The following CA10 variants were observed in gnomAD, a reference collection of about 807,000 sequenced individuals.
CA10 encodes carbonic anhydrase 10 (inactive).
A neutral mutation model predicts 44.2 loss-of-function variants in CA10; 14 were observed. The observed-to-expected ratio is 0.32, with a 90% CI of 0.21 to 0.50. CA10 has a LOEUF of 0.50. Among genes scored for constraint, CA10 ranks in the 20% least tolerant of loss-of-function variants. CA10 has a pLI of 0.99. For synonymous variants in CA10, 159 were observed against 141.6 expected (o/e 1.12, Z -0.87); for missense variants, 350 against 409.7 (o/e 0.85, Z 1.26).
chr17:51,736,474 G>C (rs1307642837), intron 4 of CA10, among the ~76,000 whole-genome samples: 1 of 152,214 alleles, frequency 6.6e-6, no homozygotes, highest in Non-Finnish European at 1.5e-5. Flanking sequence ...AGGATGCTAA[G>C]TCCTGATGCA....
At chr17:51,660,471 C>T (rs758161334) in intron 4 of CA10, among the ~76,000 whole-genome samples, 55 of 152,344 alleles carry the variant, frequency 3.6e-4, no homozygotes, top group Non-Finnish European at 6.0e-4. Context: ...ACAAGCCACA[C>T]TTGTCATAGG....
chr17:52,081,804 A>C (rs1023655870), intron 1 of CA10, among the ~76,000 whole-genome samples: 5 of 151,060 alleles, frequency 3.3e-5, no homozygotes, highest in African/African-American at 1.2e-4. Context: ...CGTCTCAAAA[A>C]AAAAAAAAAA....
intron 2 of CA10, among the ~76,000 whole-genome samples, chr17:52,053,446 A>G (rs1987134746): frequency 6.6e-6 from 1 of 152,124 alleles, no homozygotes; most frequent in Non-Finnish European, 1.5e-5. Flanking sequence ...CAATCAGTAT[A>G]CTTGCAAGAA....
chr17:51,947,367 A>G (rs1293147419), intron 2 of CA10, among the ~76,000 whole-genome samples: 4 of 152,104 alleles, frequency 2.6e-5, no homozygotes, highest in African/African-American at 9.7e-5. Flanking sequence ...AAAGGTTCAC[A>G]TACCTGAGGT....
At chr17:51,903,041 T>C (rs907276867) in intron 3 of CA10, among the ~76,000 whole-genome samples, 1 of 152,186 alleles carries the variant, frequency 6.6e-6, no homozygotes, top group Non-Finnish European at 1.5e-5. Flanking sequence ...ATTCCGGGGA[T>C]GCACAGTTAA....
In CA10 at chr17:51,938,259, C is replaced by T. The variant is rs1982941494; in HGVS notation, c.137-7127G>A. The stretch of plus-strand genomic sequence containing the variant: ...TTGGCTCTATAATAAGGATTTAAAA[C>T]ATTGGAGAAGGGGTTGAGTGAGGAG... On this transcript the variant is annotated intron_variant, in intron 2 of 8. Coordinates refer to ENST00000451037, the MANE Select transcript of CA10 (RefSeq NM_020178.5). 2.6e-5 allele frequency among the ~76,000 whole-genome samples: 4 copies of T among 152,024 alleles called. No homozygotes were observed. In the South Asian group the frequency reaches 8.3e-4, roughly 31 times the overall value.
chr17:51,825,058 T>A (rs145960952), intron 3 of CA10, among the ~76,000 whole-genome samples: 36 of 152,352 alleles, frequency 2.4e-4, no homozygotes, highest in Non-Finnish European at 4.4e-4. Context: ...ATGAAAGAGC[T>A]GAATCTAGCA....
chr17:51,716,044 C>T (rs1439988090), intron 4 of CA10, among the ~76,000 whole-genome samples: 2 of 152,210 alleles, frequency 1.3e-5, no homozygotes, highest in East Asian at 3.9e-4. Flanking sequence ...CACCTCCCCT[C>T]CAGCCCCCTA....
intron 3 of CA10, among the ~76,000 whole-genome samples, chr17:51,790,251 G>A (rs895128548): frequency 9.9e-5 from 15 of 152,128 alleles, no homozygotes; most frequent in Non-Finnish European, 1.5e-5. Flanking sequence ...GTTCAGCTGG[G>A]CCCATGATAA....
chr17:52,011,160 A>G (rs1407225719), intron 2 of CA10, among the ~76,000 whole-genome samples: 1 of 151,986 alleles, frequency 6.6e-6, no homozygotes, highest in African/African-American at 2.4e-5. Context: ...ATGTATGTAC[A>G]TATGCTCCTA....
intron 2 of CA10, among the ~76,000 whole-genome samples, chr17:52,027,908 C>T (rs1167137927): frequency 6.6e-6 from 1 of 152,136 alleles, no homozygotes; most frequent in Non-Finnish European, 1.5e-5. Flanking sequence ...AATCTCCCTT[C>T]CCTTGAACCC....
chr17:52,012,007 T>C (rs1442975016), intron 2 of CA10, among the ~76,000 whole-genome samples: 1 of 151,924 alleles, frequency 6.6e-6, no homozygotes, highest in Non-Finnish European at 1.5e-5. Flanking sequence ...CTGGGATGAA[T>C]AAGGGAGGGA....
At position 52,072,383 on chromosome 17, in the gene CA10, A is replaced by C. The variant is rs371600179; in HGVS notation, c.72T>G (p.Asn24Lys). The C allele has an allele frequency of 1.2e-6, 2 of 1,613,080 alleles. No homozygotes were observed. Residue 24 changes from asparagine (N) to lysine (K), a missense_variant, in exon 2 of 9, where the codon AAT becomes AAG. Transcript: ENST00000451037. ...ACCAGCCTTCATGGATTTTTGGTGA[A>C]TTCTGTTGAGCTAAAGGAAAAGCAA... Reference protein sequence around the residue: ...NFIVCISAQQNSPKIHEGWWA... With the variant: ...NFIVCISAQQKSPKIHEGWWA...
At chr17:51,752,647 G>T (rs961695520) in intron 3 of CA10, among the ~76,000 whole-genome samples, 11 of 152,064 alleles carry the variant, frequency 7.2e-5, no homozygotes, top group African/African-American at 2.7e-4. Context: ...TACTTTGGGG[G>T]GCCAGGTACT....
chr17:51,711,138 T>C (rs1235022462), intron 4 of CA10, among the ~76,000 whole-genome samples: 2 of 152,062 alleles, frequency 1.3e-5, no homozygotes, highest in Non-Finnish European at 2.9e-5. Flanking sequence ...CAGATAATTA[T>C]CCAACAAGCT....
At chr17:51,687,504 A>G (rs1431069025) in intron 4 of CA10, among the ~76,000 whole-genome samples, 3 of 152,214 alleles carry the variant, frequency 2.0e-5, no homozygotes, top group Non-Finnish European at 4.4e-5. Flanking sequence ...GAATGAATGA[A>G]TGAATGAATT....
chr17:51,729,879 A>G (rs540330292), intron 4 of CA10, among the ~76,000 whole-genome samples: 1 of 152,390 alleles, frequency 6.6e-6, no homozygotes, highest in Non-Finnish European at 1.5e-5. Context: ...AGTCTTGAAT[A>G]GGAATCTCTC....
At chr17:51,915,391 G>A (rs535881944) in intron 3 of CA10, among the ~76,000 whole-genome samples, 4 of 152,098 alleles carry the variant, frequency 2.6e-5, no homozygotes, top group African/African-American at 9.7e-5. Context: ...CTTCCCTTTG[G>A]TTAATAGATT....
At chr17:51,897,811 A>T (rs1180984008) in intron 3 of CA10, among the ~76,000 whole-genome samples, 1 of 151,888 alleles carries the variant, frequency 6.6e-6, no homozygotes, top group Admixed American at 6.6e-5. Flanking sequence ...TAGGTATTTT[A>T]TTCTTTTTTG....
Sources: allele counts gnomAD v4.1 joint callset (sites outside exome capture counted in the v4.1 genomes callset), GRCh38; gene constraint gnomAD v4.1.1; transcripts MANE v1.5; gene names NCBI Gene and HGNC (gene_info 2026-07-23, HGNC 2026-07-21).